DRC11: variants seen among roughly 807,000 people sequenced by gnomAD.
DRC11 encodes the protein IQ and AAA domain-containing protein 1.
chr2:236,318,562 G>A, the DRC11 span, among the ~76,000 whole-genome samples: 2 of 142,380 alleles, frequency 1.4e-5, no homozygotes, highest in African/African-American at 3.1e-5. This position sits in a 1 kb window ranked among gnomAD's most constrained non-coding sequence, Gnocchi z 7.0. Context: ...TGTAGGGAGT[G>A]GTCCATGTGT....
chr2:236,392,797 G>A, the DRC11 span, among the ~76,000 whole-genome samples: 1 of 152,048 alleles, frequency 6.6e-6, no homozygotes, highest in Non-Finnish European at 1.5e-5. The surrounding 1 kb of genome is among the most constrained non-coding windows in gnomAD (Gnocchi z 5.1). Flanking sequence ...ATTATCCCTT[G>A]CCTCCTATTA....
the DRC11 span, among the ~76,000 whole-genome samples, chr2:236,490,536 C>T: frequency 1.3e-5 from 2 of 152,130 alleles, no homozygotes; most frequent in Non-Finnish European, 2.9e-5. This position sits in a 1 kb window ranked among gnomAD's most constrained non-coding sequence, Gnocchi z 5.5. Context: ...ATCATTCTGG[C>T]ATTAAATGAG....
the DRC11 span, among the ~76,000 whole-genome samples, chr2:236,375,931 C>T: frequency 1.4e-3 from 219 of 152,298 alleles, 1 homozygote; most frequent in African/African-American, 5.1e-3. The surrounding 1 kb of genome is among the most constrained non-coding windows in gnomAD (Gnocchi z 4.2). Context: ...GGTGCTAAAA[C>T]GCTGCCTGAG....
At chr2:236,437,125 TG>T in the DRC11 span, among the ~76,000 whole-genome samples, 3 of 133,874 alleles carry the variant, frequency 2.2e-5, no homozygotes, top group African/African-American at 8.4e-5. Flanking sequence ...CAGAGTGTGA[TG>T]TTCCCCTTCC....
chr2:236,338,213 G>A, the DRC11 span: 4 of 1,613,586 alleles, frequency 2.5e-6, no homozygotes, highest in Non-Finnish European at 2.5e-6. Flanking sequence ...GCCGTATCTG[G>A]AAGCATAGTC....
the DRC11 span, among the ~76,000 whole-genome samples, chr2:236,440,249 G>T: frequency 6.6e-6 from 1 of 152,176 alleles, no homozygotes; most frequent in African/African-American, 2.4e-5. Flanking sequence ...AAGTAGCGTA[G>T]GGTAAATGTC....
At chr2:236,347,362 C>A in the DRC11 span, among the ~76,000 whole-genome samples, 6,178 of 152,018 alleles carry the variant, frequency 0.041, 411 homozygotes, top group African/African-American at 0.14. Flanking sequence ...ATCCAGCAAT[C>A]CCACTACTGT....
At chr2:236,344,795 G>C in the DRC11 span, among the ~76,000 whole-genome samples, 8 of 150,394 alleles carry the variant, frequency 5.3e-5, no homozygotes, top group Non-Finnish European at 1.2e-4. Flanking sequence ...GGCTGTGAAC[G>C]TGCTTCCCTC....
At chr2:236,503,785 T>C in the DRC11 span, 1 of 1,287,602 alleles carries the variant, frequency 7.8e-7, no homozygotes, top group African/African-American at 1.5e-5. The surrounding 1 kb of genome is among the most constrained non-coding windows in gnomAD (Gnocchi z 4.9). Flanking sequence ...CTGGGCACCA[T>C]GCCTCGGCCA....
chr2:236,329,064 A>T, the DRC11 span, among the ~76,000 whole-genome samples: 1 of 152,038 alleles, frequency 6.6e-6, no homozygotes, highest in Non-Finnish European at 1.5e-5. Context: ...CCCCTGCTCC[A>T]CCTTTGGATA....
chr2:236,451,844 G>A, the DRC11 span, among the ~76,000 whole-genome samples: 2 of 152,184 alleles, frequency 1.3e-5, no homozygotes, highest in Non-Finnish European at 2.9e-5. Flanking sequence ...GCAAATCATC[G>A]TATCACAGTG....
At chr2:236,419,520 G>C in the DRC11 span, among the ~76,000 whole-genome samples, 1 of 152,234 alleles carries the variant, frequency 6.6e-6, no homozygotes, top group East Asian at 1.9e-4. This position sits in a 1 kb window ranked among gnomAD's most constrained non-coding sequence, Gnocchi z 4.8. Flanking sequence ...TCTGAGCCCA[G>C]TTCCTTCCCT....
chr2:236,494,491 G>C, the DRC11 span, among the ~76,000 whole-genome samples: 51 of 152,256 alleles, frequency 3.3e-4, 3 homozygotes, highest in African/African-American at 1.2e-3. This position sits in a 1 kb window ranked among gnomAD's most constrained non-coding sequence, Gnocchi z 4.2. Context: ...AAATTTATCA[G>C]TTCAAATTGA....
At chr2:236,489,803 C>G in the DRC11 span, among the ~76,000 whole-genome samples, 1 of 152,132 alleles carries the variant, frequency 6.6e-6, no homozygotes, top group South Asian at 2.1e-4. Flanking sequence ...GACACACCTG[C>G]AGTCCCAGCC....
the DRC11 span, among the ~76,000 whole-genome samples, chr2:236,352,402 G>A: frequency 6.6e-6 from 1 of 152,140 alleles, no homozygotes; most frequent in Non-Finnish European, 1.5e-5. The surrounding 1 kb of genome is among the most constrained non-coding windows in gnomAD (Gnocchi z 7.0). Flanking sequence ...GTGGGCTAGG[G>A]ACAGAAGGCA....
the DRC11 span, among the ~76,000 whole-genome samples, chr2:236,491,246 G>GTA: frequency 0.07 from 1,651 of 23,628 alleles, 101 homozygotes; most frequent in Middle Eastern, 0.24. Flanking sequence ...TATATACACA[G>GTA]TATATATATA....
chr2:236,351,803 C>A, the DRC11 span, among the ~76,000 whole-genome samples: 1 of 151,690 alleles, frequency 6.6e-6, no homozygotes, highest in Non-Finnish European at 1.5e-5. This position sits in a 1 kb window ranked among gnomAD's most constrained non-coding sequence, Gnocchi z 7.3. Context: ...GACTGGCCAG[C>A]CTCAATGACA....
At chr2:236,477,254 G>A in the DRC11 span, among the ~76,000 whole-genome samples, 1 of 152,078 alleles carries the variant, frequency 6.6e-6, no homozygotes, top group Non-Finnish European at 1.5e-5. Flanking sequence ...ATGCCTTACT[G>A]ATAACATAAA....
At chr2:236,476,706 C>G in the DRC11 span, among the ~76,000 whole-genome samples, 1 of 151,970 alleles carries the variant, frequency 6.6e-6, no homozygotes, top group Non-Finnish European at 1.5e-5. The surrounding 1 kb of genome is among the most constrained non-coding windows in gnomAD (Gnocchi z 4.7). Context: ...CCCACTAGGT[C>G]ATGGTGAATG....
Sources: allele counts gnomAD v4.1 joint callset (sites outside exome capture counted in the v4.1 genomes callset), GRCh38; gene constraint gnomAD v4.1.1; non-coding constraint Gnocchi (gnomAD v3.1); transcripts MANE v1.5; gene names NCBI Gene and HGNC (gene_info 2026-07-23, HGNC 2026-07-21).